Variants in OLFM3 observed in about 807,000 individuals in gnomAD.
The protein encoded by OLFM3 is olfactomedin 3, also known as noelin-3.
A neutral mutation model predicts 48.6 loss-of-function variants in OLFM3; 20 were observed. The ratio of observed to expected loss-of-function variants is 0.41; its 90% CI spans 0.29 to 0.60. The LOEUF (loss-of-function observed/expected upper bound fraction) is 0.60. OLFM3 is among the 20% of genes least tolerant of loss of function. OLFM3 has a pLI of 0.28. For synonymous variants in OLFM3, 222 were observed against 198.1 expected, an observed-to-expected ratio of 1.12 and a Z score of -1.01; for missense variants, 437 against 544.3, an observed-to-expected ratio of 0.80 and a Z score of 1.96.
intron 1 of OLFM3, among the ~76,000 whole-genome samples, chr1:101,952,433 C>T (rs755821415): frequency 1.6e-4 from 25 of 151,922 alleles, no homozygotes; most frequent in Non-Finnish European, 2.8e-4. Context: ...GCAACAGAAA[C>T]ATTTTTTGTG....
intron 1 of OLFM3, among the ~76,000 whole-genome samples, chr1:101,865,234 C>T: frequency 6.6e-6 from 1 of 151,496 alleles, no homozygotes; most frequent in Non-Finnish European, 1.5e-5. Flanking sequence ...CTCAGCAGTG[C>T]TCCTAATTGG....
intron 1 of OLFM3, among the ~76,000 whole-genome samples, chr1:101,848,244 A>G (rs1166801766): frequency 2.6e-5 from 4 of 152,224 alleles, no homozygotes; most frequent in African/African-American, 9.6e-5. Flanking sequence ...AAATGAAAAG[A>G]AATTGGTTAC....
At chr1:101,991,745 G>A (rs1661419604) in intron 1 of OLFM3, among the ~76,000 whole-genome samples, 1 of 149,630 alleles carries the variant, frequency 6.7e-6, no homozygotes, top group Admixed American at 6.7e-5. Flanking sequence ...TCTCTTCAGG[G>A]GAGCAATGTT....
chr1:101,842,499 A>T (rs564871536), intron 1 of OLFM3, among the ~76,000 whole-genome samples: 1 of 152,314 alleles, frequency 6.6e-6, no homozygotes, highest in African/African-American at 2.4e-5. Context: ...GTGAGCCGAG[A>T]TAGTGCCATG....
In OLFM3 at chr1:101,945,519, G is replaced by A. The variant is rs148477555; in HGVS notation, c.69+51229C>T. Among the ~76,000 whole-genome samples, 1,341 of 152,184 alleles carry A rather than the reference G, an allele frequency of 8.8e-3. 26 individuals are homozygous for A. Among genetic ancestry groups the A allele is most frequent in the African/African-American group, 0.031 (1,283 of 41,528 alleles). On this transcript the variant is annotated intron_variant, in intron 1 of 5. Transcript: ENST00000370103. The stretch of plus-strand genomic sequence containing the variant: ...GGAGGAGGGTTAGGAAGAAATGGGA[G>A]GAAGAGATTACAAAGGGAAAATTGG...
chr1:101,980,339 T>C (rs999458369), intron 1 of OLFM3, among the ~76,000 whole-genome samples: 6 of 152,078 alleles, frequency 3.9e-5, no homozygotes, highest in African/African-American at 1.4e-4. Flanking sequence ...TGCACTAAAA[T>C]CTCACCTCAA....
At chr1:101,827,116 C>T (rs1241678045) in intron 3 of OLFM3, among the ~76,000 whole-genome samples, 1 of 152,168 alleles carries the variant, frequency 6.6e-6, no homozygotes. Flanking sequence ...CCTGTGTTTG[C>T]TAATCTCTTC....
At chr1:101,874,198 T>C (rs568802775) in intron 1 of OLFM3, among the ~76,000 whole-genome samples, 2 of 152,010 alleles carry the variant, frequency 1.3e-5, no homozygotes, top group South Asian at 4.1e-4. Context: ...CTTGACCATG[T>C]GGTTTTCAAA....
intron 1 of OLFM3, among the ~76,000 whole-genome samples, chr1:101,992,174 C>T (rs377507107): frequency 6.6e-6 from 1 of 152,160 alleles, no homozygotes; most frequent in Admixed American, 6.5e-5. Context: ...GCTGCTTTCC[C>T]TCCCAACAGA....
intron 4 of OLFM3, among the ~76,000 whole-genome samples, chr1:101,813,302 A>G (rs916133905): frequency 1.3e-5 from 2 of 152,158 alleles, no homozygotes; most frequent in Non-Finnish European, 2.9e-5. Context: ...TTCCGTTAAG[A>G]CAGTCTTCTT....
intron 1 of OLFM3, among the ~76,000 whole-genome samples, chr1:101,951,780 A>C (rs960440555): frequency 6.6e-6 from 1 of 152,188 alleles, no homozygotes; most frequent in Admixed American, 6.5e-5. Flanking sequence ...CTTTAAGATA[A>C]GGGAGTGTTT....
rs1385577167 is a variant in OLFM3 at position 101,968,921 on chromosome 1, T to C, written c.69+27827A>G. 4.6e-5 allele frequency among the ~76,000 whole-genome samples: 7 copies of C among 152,168 alleles called. No individual in the cohort carries two copies. The East Asian group carries it at 1.2e-3, about 25-fold the overall frequency. The stretch of plus-strand genomic sequence containing the variant: ...CAAGTGAAATCAGGAAGTGCAGAGA[T>C]TAAAAATGGGAACATTCCTGCTTGA... On this transcript the variant is annotated intron_variant, in intron 1 of 5. Coordinates refer to ENST00000370103, the MANE Select transcript of OLFM3 (RefSeq NM_058170.4).
intron 1 of OLFM3, among the ~76,000 whole-genome samples, chr1:101,871,360 T>C (rs900430368): frequency 2.6e-5 from 4 of 152,158 alleles, no homozygotes; most frequent in Middle Eastern, 3.2e-3. Context: ...TATTTTGTTT[T>C]ATAAGAAAGC....
intron 1 of OLFM3, among the ~76,000 whole-genome samples, chr1:101,851,849 C>A (rs933007537): frequency 6.6e-6 from 1 of 152,078 alleles, no homozygotes; most frequent in Non-Finnish European, 1.5e-5. Flanking sequence ...TTGTTTTGGA[C>A]AATCATGCAT....
At chr1:101,827,233 G>A (rs1477177063) in intron 3 of OLFM3, among the ~76,000 whole-genome samples, 1 of 152,114 alleles carries the variant, frequency 6.6e-6, no homozygotes, top group East Asian at 1.9e-4. Flanking sequence ...TATAGTAGTT[G>A]GCATAAGCTT....
chr1:101,994,299 A>T (rs1661496461), intron 1 of OLFM3, among the ~76,000 whole-genome samples: 1 of 151,054 alleles, frequency 6.6e-6, no homozygotes, highest in African/African-American at 2.4e-5. Flanking sequence ...CAAATGTATT[A>T]GTATGCAAAA....
At chr1:101,957,093 T>G (rs2101078454) in intron 1 of OLFM3, among the ~76,000 whole-genome samples, 1 of 152,084 alleles carries the variant, frequency 6.6e-6, no homozygotes, top group Middle Eastern at 3.4e-3. Flanking sequence ...AGTCTCAATC[T>G]TTCTTTTAGT....
chr1:101,979,435 G>A (rs900987312), intron 1 of OLFM3, among the ~76,000 whole-genome samples: 1 of 152,174 alleles, frequency 6.6e-6, no homozygotes, highest in Admixed American at 6.5e-5. Flanking sequence ...CTCCCATGCT[G>A]TTCTCGTGAT....
At chr1:101,962,675 C>G (rs2101085653) in intron 1 of OLFM3, among the ~76,000 whole-genome samples, 1 of 152,186 alleles carries the variant, frequency 6.6e-6, no homozygotes, top group East Asian at 1.9e-4. Flanking sequence ...TTATCTTGTC[C>G]CTTATAATAA....
Sources: allele counts gnomAD v4.1 joint callset (sites outside exome capture counted in the v4.1 genomes callset), GRCh38; gene constraint gnomAD v4.1.1; transcripts MANE v1.5; gene names NCBI Gene and HGNC (gene_info 2026-07-23, HGNC 2026-07-21).